The following ADAMTSL1 variants were observed in gnomAD, a reference collection of about 807,000 sequenced individuals.
The protein encoded by ADAMTSL1 is ADAMTS-like protein 1.
A neutral mutation model predicts 201.8 loss-of-function variants in ADAMTSL1; 126 were observed. The ratio of observed to expected loss-of-function variants is 0.62; its 90% CI spans 0.54 to 0.72. The LOEUF is 0.72. Ranked by LOEUF, ADAMTSL1 falls within the 30% of genes least tolerant of loss-of-function variation. The probability of loss-of-function intolerance (pLI) is 0.00; values close to 1 mark genes in which losing one functional copy is unlikely to be tolerated. For synonymous variants in ADAMTSL1, 1,121 were observed against 903.4 expected, an observed-to-expected ratio of 1.24 and a Z score of -4.32; for missense variants, 2,679 against 2,277.8, an observed-to-expected ratio of 1.18 and a Z score of -3.59.
At chr9:18,048,982 A>T (rs1403225867) in intron 1 of ADAMTSL1, among the ~76,000 whole-genome samples, 1 of 152,140 alleles carries the variant, frequency 6.6e-6, no homozygotes, top group Non-Finnish European at 1.5e-5. Context: ...GATCCAGTCC[A>T]TGTGTCCACT....
chr9:18,846,259 A>C (rs560698160), intron 23 of ADAMTSL1, among the ~76,000 whole-genome samples: 31 of 152,204 alleles, frequency 2.0e-4, no homozygotes, highest in African/African-American at 6.0e-4. Flanking sequence ...GGGAAAGTTC[A>C]AGTAAGAAAA....
intron 1 of ADAMTSL1, among the ~76,000 whole-genome samples, chr9:17,926,595 T>C (rs1350171242): frequency 1.3e-5 from 2 of 152,226 alleles, no homozygotes; most frequent in Non-Finnish European, 2.9e-5. Flanking sequence ...GTAGAACTAA[T>C]AGATTCACTT....
intron 2 of ADAMTSL1, among the ~76,000 whole-genome samples, chr9:18,513,827 G>GT (rs1242812889): frequency 6.6e-6 from 1 of 152,112 alleles, no homozygotes; most frequent in African/African-American, 2.4e-5. Flanking sequence ...GTATATGTCT[G>GT]TCTTTACACC....
intron 2 of ADAMTSL1, among the ~76,000 whole-genome samples, chr9:18,457,289 C>T (rs962753072): frequency 3.3e-5 from 5 of 151,976 alleles, no homozygotes; most frequent in African/African-American, 4.8e-5. Flanking sequence ...AATAAAATCA[C>T]GGAAAAAATG....
At position 18,520,285 on chromosome 9, in the gene ADAMTSL1, C is replaced by T. The variant is rs116556358; in HGVS notation, c.192-12962C>T. Among the ~76,000 whole-genome samples, 1,122 of 152,282 alleles carry T rather than the reference C, an allele frequency of 7.4e-3. 21 individuals are homozygous for T. The highest frequency in any genetic ancestry group is 0.026 in the African/African-American group (1,062 of 41,542). On this transcript the variant is annotated intron_variant, in intron 2 of 28. Transcript: ENST00000380548. Reference sequence around the variant, plus strand: ...AACCAGAGAGGATGTTGTCTTAGACCGTTTACCCCAAACCTACATAATTTC... The same window carrying T: ...AACCAGAGAGGATGTTGTCTTAGACTGTTTACCCCAAACCTACATAATTTC...
chr9:18,771,668 A>G (rs1324907121), intron 17 of ADAMTSL1, among the ~76,000 whole-genome samples: 1 of 148,202 alleles, frequency 6.7e-6, no homozygotes, highest in African/African-American at 2.5e-5. Context: ...TTTTTCTAGC[A>G]TATAAGCATT....
intron 23 of ADAMTSL1, among the ~76,000 whole-genome samples, chr9:18,844,026 C>G (rs1475269418): frequency 6.6e-6 from 1 of 152,256 alleles, no homozygotes; most frequent in Admixed American, 6.5e-5. Flanking sequence ...AAGACTTCTT[C>G]TCTCAACTTG....
intron 2 of ADAMTSL1, among the ~76,000 whole-genome samples, chr9:18,403,319 G>A (rs1818059083): frequency 6.6e-6 from 1 of 152,000 alleles, no homozygotes; most frequent in Non-Finnish European, 1.5e-5. Context: ...GAGTAGCTGG[G>A]ATCACAGGCA....
intron 4 of ADAMTSL1, among the ~76,000 whole-genome samples, chr9:18,605,729 AT>A (rs1564084310): frequency 6.6e-6 from 1 of 152,166 alleles, no homozygotes; most frequent in Admixed American, 6.5e-5. Flanking sequence ...ATTTTGTGTA[AT>A]TTTTTGAGGT....
chr9:18,318,003 G>T (rs1834474471), intron 2 of ADAMTSL1, among the ~76,000 whole-genome samples: 1 of 152,142 alleles, frequency 6.6e-6, no homozygotes, highest in Admixed American at 6.5e-5. Context: ...CAGAACACTG[G>T]ACATGTTGGA....
chr9:18,485,189 G>T (rs140389702), intron 1 of ADAMTSL1, among the ~76,000 whole-genome samples: 102 of 152,146 alleles, frequency 6.7e-4, no homozygotes, highest in African/African-American at 2.4e-3. Flanking sequence ...GTACAGATTC[G>T]AACCGAGGCA....
At chr9:18,221,561 C>T (rs1944762) in intron 2 of ADAMTSL1, among the ~76,000 whole-genome samples, 151,165 of 152,246 alleles carry the variant, frequency 0.99, 75,055 homozygotes, top group Middle Eastern at 1. Context: ...AATGTAAGAG[C>T]TTGCCTATAA....
chr9:18,696,633 G>A (rs1211320666), intron 13 of ADAMTSL1, among the ~76,000 whole-genome samples: 3 of 152,116 alleles, frequency 2.0e-5, no homozygotes, highest in African/African-American at 4.8e-5. Context: ...ATCAAGGTAT[G>A]CGTGGCAGCC....
chr9:18,842,854 C>T (rs1008172421), intron 23 of ADAMTSL1, among the ~76,000 whole-genome samples: 1 of 151,530 alleles, frequency 6.6e-6, no homozygotes, highest in Non-Finnish European at 1.5e-5. Context: ...ACTAGGATTG[C>T]AACCCCTGCC....
intron 16 of ADAMTSL1, among the ~76,000 whole-genome samples, chr9:18,760,723 C>G (rs1820027369): frequency 6.6e-6 from 1 of 152,200 alleles, no homozygotes; most frequent in African/African-American, 2.4e-5. Context: ...TCCACCTACT[C>G]TTCTTCATGG....
intron 2 of ADAMTSL1, among the ~76,000 whole-genome samples, chr9:18,223,708 A>G (rs905213052): frequency 1.3e-5 from 2 of 152,122 alleles, no homozygotes; most frequent in African/African-American, 4.8e-5. Context: ...TATGTATTGT[A>G]CCTGAAAATT....
At chr9:17,951,494 G>A (rs1827725873) in intron 1 of ADAMTSL1, among the ~76,000 whole-genome samples, 1 of 152,150 alleles carries the variant, frequency 6.6e-6, no homozygotes, top group African/African-American at 2.4e-5. Context: ...CCAAAATGGT[G>A]AGTTTTAAAT....
intron 2 of ADAMTSL1, among the ~76,000 whole-genome samples, chr9:18,392,385 C>T (rs1838089156): frequency 6.6e-6 from 1 of 152,140 alleles, no homozygotes; most frequent in Admixed American, 6.5e-5. Flanking sequence ...GTTTAAAAAG[C>T]TTTCTATAGT....
intron 2 of ADAMTSL1, among the ~76,000 whole-genome samples, chr9:18,289,100 C>T (rs1187052371): frequency 6.6e-6 from 1 of 151,954 alleles, no homozygotes; most frequent in African/African-American, 2.4e-5. Flanking sequence ...AAGATATATA[C>T]CTAATACATA....
Sources: gnomAD v4.1 joint callset for allele counts (sites outside exome capture counted in the v4.1 genomes callset) on GRCh38, gnomAD v4.1.1 for gene constraint, MANE v1.5 for transcripts, NCBI Gene and HGNC (gene_info 2026-07-23, HGNC 2026-07-21) for gene names.